The following GABRB2 variants were observed in gnomAD, a reference collection of about 807,000 sequenced individuals.
The protein encoded by GABRB2 is gamma-aminobutyric acid receptor subunit beta-2.
A neutral mutation model predicts 54.7 loss-of-function variants in GABRB2; 16 were observed. The ratio of observed to expected loss-of-function variants is 0.29; its 90% CI spans 0.20 to 0.44. The LOEUF is 0.44. Among genes scored for constraint, GABRB2 ranks in the 20% least tolerant of loss-of-function variants. The pLI is 1.00. For missense variants in GABRB2, 355 were observed against 644.0 expected, an observed-to-expected ratio of 0.55 and a Z score of 4.86; for synonymous variants, 244 against 233.8, an observed-to-expected ratio of 1.04 and a Z score of -0.40.
At chr5:161,502,089 C>T (rs1436202892) in intron 3 of GABRB2, among the ~76,000 whole-genome samples, 1 of 149,932 alleles carries the variant, frequency 6.7e-6, no homozygotes, top group Admixed American at 6.7e-5. Context: ...ACATAACATA[C>T]TTTATGCATT....
chr5:161,379,516 C>T (rs906069801), intron 5 of GABRB2, among the ~76,000 whole-genome samples: 15 of 152,150 alleles, frequency 9.9e-5, no homozygotes, highest in African/African-American at 3.6e-4. Flanking sequence ...AAGACACCTA[C>T]AGATGATCTG....
rs149199979 is a variant in GABRB2, at chr5:161,363,494, T to A, written c.542-26725A>T. On this transcript the variant is annotated intron_variant, in intron 5 of 9. Coordinates refer to ENST00000393959, the MANE Select transcript of GABRB2 (RefSeq NM_001371727.1). ...TATACCTATGTAACAAACCTGCACA[T>A]TCTGCACATGTATCCCAGAACTTAA... Among the ~76,000 whole-genome samples the A allele has an allele frequency of 3.2e-3, 487 of 152,222 alleles. 1 individual carries two copies. Among genetic ancestry groups the A allele is most frequent in the African/African-American group, 0.01 (433 of 41,542 alleles).
intron 3 of GABRB2, among the ~76,000 whole-genome samples, chr5:161,533,109 C>A (rs536836785): frequency 2.6e-5 from 4 of 151,632 alleles, no homozygotes; most frequent in African/African-American, 9.7e-5. Flanking sequence ...GGTAAATGGG[C>A]AGTAGATGCC....
chr5:161,334,656 T>C lies in GABRB2; in HGVS notation c.832+96A>G, dbSNP rs1753939809. The C allele has an allele frequency of 6.2e-6, 8 of 1,287,984 alleles. No homozygotes were observed. In the South Asian group the frequency reaches 1.1e-4, roughly 18 times the overall value. The allele number at this position is 1,287,984 out of a possible 1,614,324, so 79.8% of individuals were successfully genotyped here. On this transcript the variant is annotated intron_variant, in intron 7 of 9. Transcript: ENST00000393959. ...CAGTGTGAGAGGTTCAGTTGCGTCATGCACCACAAATTTCAGGATAAGGAA... is the reference window on the plus strand; with the variant it reads ...CAGTGTGAGAGGTTCAGTTGCGTCACGCACCACAAATTTCAGGATAAGGAA...
chr5:161,352,081 AC>A (rs1754487595), intron 5 of GABRB2, among the ~76,000 whole-genome samples: 1 of 152,026 alleles, frequency 6.6e-6, no homozygotes, highest in Non-Finnish European at 1.5e-5. Context: ...AGAAAACGGG[AC>A]CCTTATATAC....
At chr5:161,416,102 C>CTAACTTT (rs2113130082) in intron 4 of GABRB2, among the ~76,000 whole-genome samples, 1 of 152,214 alleles carries the variant, frequency 6.6e-6, no homozygotes, top group East Asian at 1.9e-4. Flanking sequence ...CCATACTTGG[C>CTAACTTT]TAACTTTTTA....
At chr5:161,359,349 C>A (rs921270732) in intron 5 of GABRB2, among the ~76,000 whole-genome samples, 34 of 151,888 alleles carry the variant, frequency 2.2e-4, no homozygotes, top group Admixed American at 6.6e-5. Context: ...CACTGATAAA[C>A]TTCTATAAAC....
intron 3 of GABRB2, among the ~76,000 whole-genome samples, chr5:161,541,127 T>A (rs1760798722): frequency 1.3e-5 from 2 of 152,130 alleles, no homozygotes; most frequent in Admixed American, 1.3e-4. Context: ...ATTACAGGCG[T>A]CAGCCATTGC....
At chr5:161,447,091 C>T (rs1757655924) in intron 4 of GABRB2, among the ~76,000 whole-genome samples, 1 of 152,126 alleles carries the variant, frequency 6.6e-6, no homozygotes. Flanking sequence ...GTGCCAGGCA[C>T]TTTAGTAAAT....
chr5:161,530,430 T>C (rs185430631), intron 3 of GABRB2, among the ~76,000 whole-genome samples: 192 of 152,194 alleles, frequency 1.3e-3, no homozygotes, highest in Non-Finnish European at 2.3e-3. Context: ...GCCCATTAAA[T>C]AGACAGGAAG....
intron 4 of GABRB2, among the ~76,000 whole-genome samples, chr5:161,452,512 T>C (rs889906624): frequency 6.6e-6 from 1 of 152,212 alleles, no homozygotes; most frequent in Non-Finnish European, 1.5e-5. Context: ...TTCTTTATGA[T>C]GAGCATGTCA....
intron 5 of GABRB2, among the ~76,000 whole-genome samples, chr5:161,388,012 C>G (rs185572751): frequency 1.3e-5 from 2 of 152,124 alleles, no homozygotes. Flanking sequence ...GGTCACAATA[C>G]CGACAATAAA....
chr5:161,300,847 G>C (rs560060757), intron 9 of GABRB2, among the ~76,000 whole-genome samples: 1 of 152,268 alleles, frequency 6.6e-6, no homozygotes, highest in South Asian at 2.1e-4. Context: ...GCAGAGGCCA[G>C]AGAAGTAATA....
intron 5 of GABRB2, among the ~76,000 whole-genome samples, chr5:161,403,198 A>T (rs1756253638): frequency 6.6e-6 from 1 of 152,158 alleles, no homozygotes; most frequent in African/African-American, 2.4e-5. Context: ...GAGAATCAGG[A>T]CAGAGTTTCA....
rs978962496 is a variant in GABRB2 at position 161,323,680 on chromosome 5, G to T, written c.1191+2688C>A. Among the ~76,000 whole-genome samples, 26 of 152,010 alleles carry T rather than the reference G, an allele frequency of 1.7e-4. 1 individual carries two copies. Among genetic ancestry groups the T allele is most frequent in the African/African-American group, 5.8e-4 (24 of 41,438 alleles). ...TAGAGACTAGACATGGGATTTTGGA[G>T]TCTACTCTCTCTCCTCTTCTCCAGC... is the stretch of plus-strand genomic sequence containing the variant. On this transcript the variant is annotated intron_variant, in intron 9 of 9. Transcript: ENST00000393959.
intron 3 of GABRB2, among the ~76,000 whole-genome samples, chr5:161,526,566 G>GTT (rs573886546): frequency 3.4e-5 from 5 of 145,882 alleles, no homozygotes; most frequent in Admixed American, 6.9e-5. Flanking sequence ...ATTCAAAGAA[G>GTT]TTTTTTTTTT....
At chr5:161,508,052 A>T (rs1759662029) in intron 3 of GABRB2, among the ~76,000 whole-genome samples, 1 of 152,014 alleles carries the variant, frequency 6.6e-6, no homozygotes, top group African/African-American at 2.4e-5. Context: ...TTGAACAAAA[A>T]ATACTCAAGT....
chr5:161,344,564 T>C (rs764400813), intron 5 of GABRB2, among the ~76,000 whole-genome samples: 10 of 152,022 alleles, frequency 6.6e-5, no homozygotes, highest in African/African-American at 9.7e-5. Context: ...GGTGGGGCTA[T>C]GGAAAAATAG....
chr5:161,494,840 TCA>T (rs1296828318), intron 3 of GABRB2, among the ~76,000 whole-genome samples: 1 of 151,858 alleles, frequency 6.6e-6, no homozygotes, highest in Non-Finnish European at 1.5e-5. Flanking sequence ...AGGAAGCATT[TCA>T]TCAACATTTG....
Sources: gnomAD v4.1 joint callset for allele counts (sites outside exome capture counted in the v4.1 genomes callset) on GRCh38, gnomAD v4.1.1 for gene constraint, MANE v1.5 for transcripts, NCBI Gene and HGNC (gene_info 2026-07-23, HGNC 2026-07-21) for gene names.